PDGFD: variants seen among roughly 807,000 people sequenced by gnomAD.
PDGFD encodes platelet derived growth factor D.
In PDGFD, 30 loss-of-function variants were observed where a neutral mutation model predicts 44.7. That is an observed-to-expected ratio of 0.67 (90% CI 0.50 to 0.91). PDGFD has a LOEUF of 0.91. PDGFD is among the 40% of genes least tolerant of loss of function. PDGFD has a pLI of 0.00. For synonymous variants in PDGFD, 173 were observed against 168.4 expected (o/e 1.03, Z -0.21); for missense variants, 445 against 457.8 (o/e 0.97, Z 0.25).
chr11:103,978,014 A>T (rs979139106), intron 3 of PDGFD, among the ~76,000 whole-genome samples: 4 of 152,090 alleles, frequency 2.6e-5, no homozygotes, highest in Admixed American at 6.6e-5. Context: ...ACCACACAGC[A>T]CAGGAGAGAT....
At chr11:104,037,820 A>G in intron 1 of PDGFD, 1 of 1,614,168 alleles carries the variant, frequency 6.2e-7, no homozygotes, top group Non-Finnish European at 8.5e-7. Context: ...CTAGGCCTAG[A>G]TATGCTCCGG....
intron 1 of PDGFD, among the ~76,000 whole-genome samples, chr11:104,052,976 T>C (rs1281443935): frequency 1.3e-5 from 2 of 152,236 alleles, no homozygotes; most frequent in African/African-American, 4.8e-5. Flanking sequence ...AAGTAGTTTT[T>C]TCAGTAGAAT....
At chr11:104,118,704 A>T (rs1326096494) in intron 1 of PDGFD, among the ~76,000 whole-genome samples, 1 of 92,152 alleles carries the variant, frequency 1.1e-5, no homozygotes, top group Non-Finnish European at 2.2e-5. Context: ...CCATCTCCTT[A>T]ATTTATATAT....
chr11:104,149,340 C>G (rs1357027853), intron 1 of PDGFD, among the ~76,000 whole-genome samples: 2 of 152,156 alleles, frequency 1.3e-5, no homozygotes, highest in Admixed American at 6.5e-5. Flanking sequence ...GTCACAAAAA[C>G]ATCACCAAAC....
intron 5 of PDGFD, among the ~76,000 whole-genome samples, chr11:103,931,964 C>T (rs1858406702): frequency 6.6e-6 from 1 of 152,138 alleles, no homozygotes; most frequent in Admixed American, 6.6e-5. Context: ...TTTTTGAAAA[C>T]CATGCTCTTG....
chr11:104,013,451 A>C (rs1172270991), intron 1 of PDGFD, among the ~76,000 whole-genome samples: 2 of 152,112 alleles, frequency 1.3e-5, no homozygotes, highest in African/African-American at 4.8e-5. Context: ...GTGTGGCTGG[A>C]GCCCAAAAGC....
intron 1 of PDGFD, among the ~76,000 whole-genome samples, chr11:104,070,499 G>C (rs560635107): frequency 2.0e-5 from 3 of 152,130 alleles, no homozygotes; most frequent in Admixed American, 6.5e-5. Context: ...GCTGACCCAA[G>C]CCTCTAAAAT....
At chr11:103,930,741 A>T (rs61063495) in intron 5 of PDGFD, among the ~76,000 whole-genome samples, 3,878 of 152,226 alleles carry the variant, frequency 0.025, 174 homozygotes, top group African/African-American at 0.088. Flanking sequence ...TGTGCAAATG[A>T]CCTGGCTTCC....
At chr11:104,111,845 A>G (rs951142137) in intron 1 of PDGFD, among the ~76,000 whole-genome samples, 1 of 152,196 alleles carries the variant, frequency 6.6e-6, no homozygotes, top group Non-Finnish European at 1.5e-5. Flanking sequence ...ACGGTAAAAC[A>G]GGTCAGATAT....
chr11:104,012,036 C>A (rs1859793460), intron 1 of PDGFD, among the ~76,000 whole-genome samples: 1 of 151,936 alleles, frequency 6.6e-6, no homozygotes. Flanking sequence ...AATTAGTAAA[C>A]CTATGAAAGA....
In PDGFD at chr11:103,996,065, C is replaced by T. The variant is rs1565305910; in HGVS notation, c.510G>A (p.Leu170=). Residue 170 remains leucine (L), a splice_region_variant and synonymous_variant, in exon 3 of 7, where the codon CTG becomes CTA. Coordinates refer to ENST00000393158, the MANE Select transcript of PDGFD (RefSeq NM_025208.5). ...KPGFKIYYSL[L]EDFQPAAASE... is the part of the protein sequence containing the mutation. ...AATCATAAAGTGGTTAAGTACTCAC[C>T]AGCAAAGAATAATAAATCTTGAATC... 6.2e-7 allele frequency: 1 copy of T among 1,612,234 alleles called. No homozygotes were observed. The highest frequency in any genetic ancestry group is 8.5e-7 in the Non-Finnish European group (1 of 1,179,056).
At chr11:104,007,931 T>C (rs1429336704) in intron 1 of PDGFD, among the ~76,000 whole-genome samples, 2 of 152,222 alleles carry the variant, frequency 1.3e-5, no homozygotes, top group African/African-American at 2.4e-5. Context: ...GAAGCAAATA[T>C]TATACTTTCA....
intron 6 of PDGFD, among the ~76,000 whole-genome samples, chr11:103,921,667 A>G (rs1858223761): frequency 6.6e-6 from 1 of 151,848 alleles, no homozygotes; most frequent in African/African-American, 2.4e-5. Context: ...TTATTAATAC[A>G]TCTCCTAACT....
intron 1 of PDGFD, among the ~76,000 whole-genome samples, chr11:104,054,544 GT>G (rs36079869): frequency 0.24 from 35,819 of 152,056 alleles, 5,152 homozygotes; most frequent in East Asian, 0.34. Flanking sequence ...CATCACATGG[GT>G]GATGAGATAC....
intron 3 of PDGFD, among the ~76,000 whole-genome samples, chr11:103,963,319 T>C (rs1249087425): frequency 1.3e-5 from 2 of 152,166 alleles, no homozygotes; most frequent in East Asian, 3.8e-4. Flanking sequence ...TATCACTATA[T>C]GAGCTGGGTA....
chr11:103,925,218 G>C (rs1858287790), intron 6 of PDGFD, among the ~76,000 whole-genome samples: 1 of 152,120 alleles, frequency 6.6e-6, no homozygotes, highest in Non-Finnish European at 1.5e-5. Flanking sequence ...TGGGCATTTG[G>C]GTTGGTTCCA....
chr11:103,953,949 T>G (rs1858797945), intron 3 of PDGFD, among the ~76,000 whole-genome samples: 1 of 152,192 alleles, frequency 6.6e-6, no homozygotes, highest in Admixed American at 6.5e-5. Flanking sequence ...CAATGAACCA[T>G]CAGCTCAGGG....
chr11:104,150,928 T>C (rs903073779), intron 1 of PDGFD, among the ~76,000 whole-genome samples: 2 of 152,220 alleles, frequency 1.3e-5, no homozygotes, highest in Non-Finnish European at 2.9e-5. Context: ...CATGATACCA[T>C]TGGGGTCATT....
At chr11:104,000,914 G>C (rs969598822) in intron 1 of PDGFD, among the ~76,000 whole-genome samples, 2 of 152,172 alleles carry the variant, frequency 1.3e-5, no homozygotes, top group African/African-American at 2.4e-5. Flanking sequence ...TCTTGGAAGA[G>C]AGTTTCCAAA....
Sources: gnomAD v4.1 joint callset for allele counts (sites outside exome capture counted in the v4.1 genomes callset) on GRCh38, gnomAD v4.1.1 for gene constraint, MANE v1.5 for transcripts, NCBI Gene and HGNC (gene_info 2026-07-23, HGNC 2026-07-21) for gene names.